Variants in EIF2B3 observed in about 807,000 individuals in gnomAD.
EIF2B3 encodes eukaryotic translation initiation factor 2B subunit gamma.
In EIF2B3, 20 loss-of-function variants were observed where a neutral mutation model predicts 54.1. The observed-to-expected ratio is 0.37, with a 90% CI of 0.26 to 0.54. EIF2B3 has a LOEUF of 0.54. Among genes scored for constraint, EIF2B3 ranks in the 20% least tolerant of loss-of-function variants. The pLI is 0.86. For synonymous variants in EIF2B3, 153 were observed against 188.1 expected (o/e 0.81, Z 1.52); for missense variants, 448 against 547.8 (o/e 0.82, Z 1.82).
chr1:44,908,373 A>T (rs992041417), intron 5 of EIF2B3, among the ~76,000 whole-genome samples: 2 of 152,262 alleles, frequency 1.3e-5, no homozygotes, highest in Non-Finnish European at 2.9e-5. Context: ...TCTGCCTATG[A>T]CAGGAAAGAT....
At chr1:44,960,873 A>C (rs1644278024) in intron 3 of EIF2B3, among the ~76,000 whole-genome samples, 1 of 152,104 alleles carries the variant, frequency 6.6e-6, no homozygotes, top group Admixed American at 6.5e-5. Context: ...TTTAAAATAA[A>C]GCTACTTCTT....
In EIF2B3 at chr1:44,933,500, C is replaced by T. The variant is rs536074133; in HGVS notation, c.455-6761G>A. Among the ~76,000 whole-genome samples the T allele has an allele frequency of 4.0e-5, 6 of 151,880 alleles. No individual in the cohort carries two copies. The South Asian group carries it at 1.0e-3, about 26-fold the overall frequency. On this transcript the variant is annotated intron_variant, in intron 4 of 11. Transcript: ENST00000360403. ...TTATTTGGAGATATGGAGTTAAATGCCAAAAAATTAGCTGAAAATGTTGAA... is the reference window on the plus strand; with the variant it reads ...TTATTTGGAGATATGGAGTTAAATGTCAAAAAATTAGCTGAAAATGTTGAA...
chr1:44,926,026 G>C (rs376547509), intron 5 of EIF2B3, among the ~76,000 whole-genome samples: 2 of 150,796 alleles, frequency 1.3e-5, no homozygotes, highest in Non-Finnish European at 3.0e-5. Context: ...TCAGGAGCTA[G>C]AGACCAGCCT....
chr1:44,984,534 G>A (rs918320002), intron 1 of EIF2B3, among the ~76,000 whole-genome samples: 1 of 152,076 alleles, frequency 6.6e-6, no homozygotes, highest in Non-Finnish European at 1.5e-5. Context: ...GTGATCAGGG[G>A]CCTGACATTT....
rs2487367 is a variant in EIF2B3 at position 44,978,222 on chromosome 1, T to C, written c.294+93A>G. On this transcript the variant is annotated intron_variant, in intron 3 of 11. Transcript: ENST00000360403. ...CTCCGGCCTAGGTGACAGAGCGAGG[T>C]TCTGTCTCAAAAAAAAGACTATAAT... 376,340 of 1,437,092 alleles carry C rather than the reference T, an allele frequency of 0.26. 52,474 individuals are homozygous for C. Among genetic ancestry groups the C allele is most frequent in the African/African-American group, 0.49 (34,808 of 70,932 alleles). The allele number at this position is 1,437,092 out of a possible 1,614,324, so 89.0% of individuals were successfully genotyped here.
Position 44,981,068 on chromosome 1 carries a change from G to T in EIF2B3, c.101C>A (p.Pro34His), listed in dbSNP as rs1245591325. 1 of 1,613,298 alleles carries T rather than the reference G, an allele frequency of 6.2e-7. No homozygotes were observed. The highest frequency in any genetic ancestry group is 1.7e-5 in the Admixed American group (1 of 59,760). Residue 34 changes from proline (P) to histidine (H), a missense_variant, in exon 2 of 12, where the codon CCT becomes CAT. By Grantham distance (77) the Pro-to-His change is moderately conservative. Transcript: ENST00000360403. ...CAGGTTCAATGGGTACCAAATTAAA[G>T]GTTTGTTCCCAACTGGAAGCAGAGG... ...PKPLLPVGNKPLIWYPLNLLE... is the reference protein window; with the variant it reads ...PKPLLPVGNKHLIWYPLNLLE...
At chr1:44,978,941 C>T (rs1176488012) in intron 2 of EIF2B3, among the ~76,000 whole-genome samples, 6 of 151,746 alleles carry the variant, frequency 4.0e-5, no homozygotes, top group African/African-American at 1.2e-4. Context: ...CTGGCCTCCC[C>T]CCAATTAATT....
At chr1:44,928,643 T>TATA (rs1332378767) in intron 4 of EIF2B3, among the ~76,000 whole-genome samples, 1 of 152,168 alleles carries the variant, frequency 6.6e-6, no homozygotes, top group Non-Finnish European at 1.5e-5. Flanking sequence ...ATGTATAGTC[T>TATA]ATATTTTATT....
intron 11 of EIF2B3, among the ~76,000 whole-genome samples, chr1:44,851,507 C>T (rs923849980): frequency 6.6e-6 from 1 of 152,110 alleles, no homozygotes; most frequent in South Asian, 2.1e-4. Context: ...TGTCTATATA[C>T]CTGGCTGTGG....
chr1:44,892,420 A>C (rs1224149095), intron 6 of EIF2B3, among the ~76,000 whole-genome samples: 1 of 151,962 alleles, frequency 6.6e-6, no homozygotes, highest in Middle Eastern at 3.2e-3. Context: ...TCTCTACAAA[A>C]AATAAGAAAA....
At chr1:44,873,944 C>A (rs1397543019) in intron 10 of EIF2B3, among the ~76,000 whole-genome samples, 2 of 151,894 alleles carry the variant, frequency 1.3e-5, no homozygotes, top group Non-Finnish European at 2.9e-5. Flanking sequence ...GCCACTGTGC[C>A]GGGCCAGAAG....
chr1:44,888,913 GC>G (rs1329104951), intron 6 of EIF2B3, among the ~76,000 whole-genome samples: 2 of 152,202 alleles, frequency 1.3e-5, no homozygotes, highest in Non-Finnish European at 2.9e-5. Flanking sequence ...GTAGTTAAAA[GC>G]CTTTGCAAGC....
intron 5 of EIF2B3, among the ~76,000 whole-genome samples, chr1:44,911,942 T>TGAGA (rs1345747574): frequency 2.0e-5 from 3 of 148,640 alleles, no homozygotes; most frequent in Admixed American, 1.4e-4. Context: ...CACCTATGAG[T>TGAGA]GAGAACATGC....
intron 5 of EIF2B3, among the ~76,000 whole-genome samples, chr1:44,906,647 A>G (rs263964): frequency 0.99 from 150,749 of 152,198 alleles, 74,655 homozygotes; most frequent in East Asian, 1. Context: ...TGATCCGCCC[A>G]CCTCGGCCTC....
rs758880130 is a variant in EIF2B3, at chr1:44,946,444, C to CTTTTTTTTT, written c.295-4788_295-4780dup. Among the ~76,000 whole-genome samples, 124 of 140,336 alleles carry CTTTTTTTTT rather than the reference C, an allele frequency of 8.8e-4. 3 individuals are homozygous for CTTTTTTTTT. The highest frequency in any genetic ancestry group is 2.3e-3 in the African/African-American group (85 of 36,954). The allele number at this position is 140,336 out of a possible 152,430, so 92.1% of individuals were successfully genotyped here. A position where few individuals can be genotyped will look rare whatever the true frequency, so the allele number is the denominator to read the frequency against. Reference sequence around the variant, plus strand: ...AATCACACTTATACCTTCATAATACCTTTTTTTTTTTGAGACAGGGTCTCA... The same window carrying CTTTTTTTTT: ...AATCACACTTATACCTTCATAATACCTTTTTTTTTTTTTTTTTTTTGAGACAGGGTCTCA... On this transcript the variant is annotated intron_variant, in intron 3 of 11. Transcript: ENST00000360403.
At chr1:44,867,185 G>C (rs565928928) in intron 10 of EIF2B3, among the ~76,000 whole-genome samples, 1 of 152,248 alleles carries the variant, frequency 6.6e-6, no homozygotes, top group African/African-American at 2.4e-5. Flanking sequence ...TGCTACTCTA[G>C]ACTGCTGCTT....
intron 5 of EIF2B3, among the ~76,000 whole-genome samples, chr1:44,915,073 T>A (rs1252501481): frequency 1.3e-5 from 2 of 151,516 alleles, no homozygotes; most frequent in African/African-American, 4.8e-5. Context: ...CCGAGGCAGG[T>A]AGATCATTTG....
chr1:44,984,182 A>G (rs1308001070), intron 1 of EIF2B3, among the ~76,000 whole-genome samples: 1 of 151,860 alleles, frequency 6.6e-6, no homozygotes, highest in East Asian at 1.9e-4. Flanking sequence ...TCCGTCTCAA[A>G]AAAAATAAAA....
At chr1:44,959,762 ATT>A (rs1462019816) in intron 3 of EIF2B3, among the ~76,000 whole-genome samples, 1 of 152,186 alleles carries the variant, frequency 6.6e-6, no homozygotes, top group East Asian at 1.9e-4. Context: ...AAGCATGAGC[ATT>A]TTATTAATCT....
Sources: gnomAD v4.1 joint callset for allele counts (sites outside exome capture counted in the v4.1 genomes callset) on GRCh38, gnomAD v4.1.1 for gene constraint, MANE v1.5 for transcripts, NCBI Gene and HGNC (gene_info 2026-07-23, HGNC 2026-07-21) for gene names.